The following SLC22A23 variants were observed in gnomAD, a reference collection of about 807,000 sequenced individuals.
SLC22A23 encodes ion transporter protein.
SLC22A23 carries 26 observed loss-of-function variants against 61.0 expected under a neutral mutation model. That is an observed-to-expected ratio of 0.43 (90% CI 0.31 to 0.59). The LOEUF is 0.59. Among genes scored for constraint, SLC22A23 ranks in the 20% least tolerant of loss-of-function variants. The probability of loss-of-function intolerance (pLI) is 0.11; values close to 1 mark genes in which losing one functional copy is unlikely to be tolerated. For missense variants in SLC22A23, 796 were observed against 934.7 expected (o/e 0.85, Z 1.94); for synonymous variants, 430 against 413.9 (o/e 1.04, Z -0.47).
chr6:3,346,618 A>G lies in SLC22A23; in HGVS notation c.914-22616T>C, dbSNP rs1002759167. Among the ~76,000 whole-genome samples the G allele has an allele frequency of 2.6e-5, 4 of 152,148 alleles. No homozygotes were observed. In the East Asian group the frequency reaches 5.8e-4, roughly 22 times the overall value. On this transcript the variant is annotated intron_variant, in intron 3 of 9. Coordinates refer to ENST00000406686, the MANE Select transcript of SLC22A23 (RefSeq NM_015482.2). ...TGTGTTGGCATTGCATTCCTGTGTC[A>G]TCACATCCAGATCCTGGGCAGGCAT... is the stretch of plus-strand genomic sequence containing the variant.
chr6:3,346,484 G>A (rs1764446984), intron 3 of SLC22A23, among the ~76,000 whole-genome samples: 2 of 152,138 alleles, frequency 1.3e-5, no homozygotes, highest in African/African-American at 4.8e-5. Flanking sequence ...TAGTGACTGT[G>A]CACCCCATTG....
At chr6:3,314,068 A>G (rs973559082) in intron 4 of SLC22A23, among the ~76,000 whole-genome samples, 1 of 152,282 alleles carries the variant, frequency 6.6e-6, no homozygotes, top group African/African-American at 2.4e-5. Flanking sequence ...AGTCATTTCA[A>G]CGATAACAAG....
Position 3,308,930 on chromosome 6 carries a change from G to A in SLC22A23, c.1083-10712C>T, listed in dbSNP as rs542810192. ...TGCACTCCAGCCTGGGCGACAGAGC[G>A]AGACTCTGTCTCAAAAAACAAACAA... is the stretch of plus-strand genomic sequence containing the variant. On this transcript the variant is annotated intron_variant, in intron 4 of 9. Transcript: ENST00000406686. This position sits in a 1 kb window ranked among gnomAD's most constrained non-coding sequence, Gnocchi z 5.1. 3.3e-5 allele frequency among the ~76,000 whole-genome samples: 5 copies of A among 152,178 alleles called. No individual in the cohort carries two copies. The East Asian group carries it at 5.8e-4, about 18-fold the overall frequency.
chr6:3,376,574 C>T (rs1331124180), intron 3 of SLC22A23, among the ~76,000 whole-genome samples: 1 of 152,174 alleles, frequency 6.6e-6, no homozygotes, highest in Admixed American at 6.5e-5. Context: ...AAGTTCATGC[C>T]GTTCTTTCCC....
At chr6:3,312,047 G>C (rs1040776609) in intron 4 of SLC22A23, 1 of 152,200 alleles carries the variant, frequency 6.6e-6, no homozygotes, top group Non-Finnish European at 1.5e-5. Flanking sequence ...TCCTGACAAC[G>C]CACTGAATAA....
chr6:3,332,284 G>C (rs1474481997), intron 3 of SLC22A23, among the ~76,000 whole-genome samples: 2 of 152,086 alleles, frequency 1.3e-5, no homozygotes, highest in African/African-American at 4.8e-5. Context: ...GGGAATCAGG[G>C]GCTGGGCGTA....
intron 9 of SLC22A23, among the ~76,000 whole-genome samples, chr6:3,280,072 G>T (rs962485793): frequency 6.6e-6 from 1 of 152,176 alleles, no homozygotes; most frequent in African/African-American, 2.4e-5. Context: ...AAATTTCTGT[G>T]AAGTTGAGGA....
At chr6:3,450,358 G>C (rs1302794599) in intron 1 of SLC22A23, among the ~76,000 whole-genome samples, 2 of 152,212 alleles carry the variant, frequency 1.3e-5, no homozygotes, top group Non-Finnish European at 2.9e-5. Flanking sequence ...TCAGGCTGGA[G>C]TGCAGTGGAG....
chr6:3,314,268 C>T (rs1253752928), intron 4 of SLC22A23, among the ~76,000 whole-genome samples: 1 of 152,204 alleles, frequency 6.6e-6, no homozygotes, highest in Non-Finnish European at 1.5e-5. Flanking sequence ...TCTCAGCAGC[C>T]CAGGGCCCTC....
chr6:3,301,360 C>A (rs1761590985), intron 4 of SLC22A23, among the ~76,000 whole-genome samples: 1 of 152,024 alleles, frequency 6.6e-6, no homozygotes, highest in Non-Finnish European at 1.5e-5. Context: ...TGATTTGATT[C>A]TAAATATTTT....
intron 4 of SLC22A23, among the ~76,000 whole-genome samples, chr6:3,311,313 GAGGGTGCT>G (rs1762355567): frequency 6.6e-6 from 1 of 152,238 alleles, no homozygotes; most frequent in Non-Finnish European, 1.5e-5. Flanking sequence ...AGGCTGCAGT[GAGGGTGCT>G]TCTGATCTAA....
At chr6:3,400,502 GC>G (rs1212810911) in intron 3 of SLC22A23, among the ~76,000 whole-genome samples, 1 of 152,212 alleles carries the variant, frequency 6.6e-6, no homozygotes. Context: ...TCACAAACAT[GC>G]AAATGTCCAC....
At chr6:3,319,494 G>A (rs947419642) in intron 4 of SLC22A23, among the ~76,000 whole-genome samples, 18 of 152,140 alleles carry the variant, frequency 1.2e-4, no homozygotes, top group African/African-American at 3.1e-4. Context: ...GCTCCCACCC[G>A]CCTCTGCCCC....
At position 3,279,714 on chromosome 6, in the gene SLC22A23, G is replaced by C. The variant is rs1759258350; in HGVS notation, c.1703+4138C>G. On this transcript the variant is annotated intron_variant, in intron 9 of 9. Coordinates refer to ENST00000406686, the MANE Select transcript of SLC22A23 (RefSeq NM_015482.2). ...TGTGGGCTCTGCCAGTGCCTTTTCT[G>C]CTTTTCTCTGGGTTGTCACTAGAGG... Among the ~76,000 whole-genome samples, 3 of 151,766 alleles carry C rather than the reference G, an allele frequency of 2.0e-5. No individual in the cohort carries two copies. In the Middle Eastern group the frequency reaches 0.01, roughly 520 times the overall value.
At chr6:3,277,116 C>T (rs1758982323) in intron 9 of SLC22A23, 1 of 152,430 alleles carries the variant, frequency 6.6e-6, no homozygotes, top group Admixed American at 6.5e-5. Context: ...AAGGGGCCAC[C>T]CAAGTCTTTC....
intron 4 of SLC22A23, among the ~76,000 whole-genome samples, chr6:3,302,600 G>T (rs747904531): frequency 1.3e-5 from 2 of 152,036 alleles, no homozygotes; most frequent in Non-Finnish European, 1.5e-5. Flanking sequence ...TACTGCTTTT[G>T]CTGTGTCCCA....
chr6:3,404,771 G>C (rs1768679079), intron 3 of SLC22A23, among the ~76,000 whole-genome samples: 2 of 152,140 alleles, frequency 1.3e-5, no homozygotes, highest in Non-Finnish European at 2.9e-5. Context: ...GGAAGACAGT[G>C]GGGTACAGAG....
intron 3 of SLC22A23, among the ~76,000 whole-genome samples, chr6:3,347,773 T>G (rs760238433): frequency 4.1e-4 from 62 of 152,330 alleles, no homozygotes; most frequent in Admixed American, 2.2e-3. Flanking sequence ...TCCTCTAATC[T>G]CCACTGGAGA....
In SLC22A23 at chr6:3,328,184, G is replaced by C. The variant is rs1320534096; in HGVS notation, c.914-4182C>G. Among the ~76,000 whole-genome samples the C allele has an allele frequency of 1.3e-5, 2 of 151,408 alleles. No homozygotes were observed. The highest frequency in any genetic ancestry group is 2.9e-5 in the Non-Finnish European group (2 of 67,958). On this transcript the variant is annotated intron_variant, in intron 3 of 9. Coordinates refer to ENST00000406686, the MANE Select transcript of SLC22A23 (RefSeq NM_015482.2). This position sits in a 1 kb window ranked among gnomAD's most constrained non-coding sequence, Gnocchi z 5.0. ...ACTAGATATACTTTGTCGATAAGCA[G>C]AGAGATTACTGAGGGTTGTGAGAAT...
Sources: allele counts gnomAD v4.1 joint callset (sites outside exome capture counted in the v4.1 genomes callset), GRCh38; gene constraint gnomAD v4.1.1; non-coding constraint Gnocchi (gnomAD v3.1); transcripts MANE v1.5; gene names NCBI Gene and HGNC (gene_info 2026-07-23, HGNC 2026-07-21).